The following CNTNAP2 variants were observed in gnomAD, a reference collection of about 807,000 sequenced individuals.
CNTNAP2 encodes the protein contactin associated protein 2.
CNTNAP2 carries 98 observed loss-of-function variants against 155.2 expected under a neutral mutation model. The ratio of observed to expected loss-of-function variants is 0.63; its 90% confidence interval spans 0.54 to 0.75. The LOEUF is 0.75. CNTNAP2 is among the 30% of genes least tolerant of loss of function. The pLI is 0.00. For synonymous variants in CNTNAP2, 651 were observed against 631.2 expected (o/e 1.03, Z -0.47); for missense variants, 1,727 against 1,688.1 (o/e 1.02, Z -0.40).
At chr7:147,731,092 G>T (rs927872024) in intron 13 of CNTNAP2, among the ~76,000 whole-genome samples, 1 of 152,116 alleles carries the variant, frequency 6.6e-6, no homozygotes, top group Non-Finnish European at 1.5e-5. Flanking sequence ...TCTCTATAAC[G>T]TGAAAGTGCA....
chr7:148,340,935 C>A (rs1798218136), intron 21 of CNTNAP2, among the ~76,000 whole-genome samples: 1 of 152,218 alleles, frequency 6.6e-6, no homozygotes, highest in Admixed American at 6.5e-5. Flanking sequence ...CCTTGGAGCT[C>A]TTCTAGTGCA....
chr7:147,197,223 A>G (rs1272901824), intron 8 of CNTNAP2, among the ~76,000 whole-genome samples: 7 of 152,076 alleles, frequency 4.6e-5, no homozygotes, highest in Admixed American at 3.9e-4. Context: ...ACAGGCCACT[A>G]CTTCATTTAC....
At chr7:146,261,701 T>TTGTA (rs1382294342) in intron 1 of CNTNAP2, among the ~76,000 whole-genome samples, 1 of 152,084 alleles carries the variant, frequency 6.6e-6, no homozygotes, top group Admixed American at 6.6e-5. Flanking sequence ...TCTGCAAAGG[T>TTGTA]TGTAGCTGAA....
At chr7:146,876,527 G>T (rs1317722638) in intron 3 of CNTNAP2, among the ~76,000 whole-genome samples, 1 of 152,070 alleles carries the variant, frequency 6.6e-6, no homozygotes, top group Admixed American at 6.6e-5. Flanking sequence ...ATACTGCCAG[G>T]AATATTGTAA....
chr7:147,794,360 T>C (rs909036514), intron 13 of CNTNAP2, among the ~76,000 whole-genome samples: 1 of 151,962 alleles, frequency 6.6e-6, no homozygotes, highest in African/African-American at 2.4e-5. Context: ...TTTCTATCAT[T>C]AAAGGGTGTT....
At chr7:147,694,890 T>C (rs1796140134) in intron 13 of CNTNAP2, among the ~76,000 whole-genome samples, 1 of 152,186 alleles carries the variant, frequency 6.6e-6, no homozygotes, top group Non-Finnish European at 1.5e-5. Flanking sequence ...ATTAATTTAC[T>C]CTTCTTTCTT....
At chr7:147,966,740 T>C (rs1449787001) in intron 14 of CNTNAP2, among the ~76,000 whole-genome samples, 3 of 151,742 alleles carry the variant, frequency 2.0e-5, no homozygotes, top group Non-Finnish European at 4.4e-5. Context: ...ATCATGGGAG[T>C]GGACTATCGC....
intron 3 of CNTNAP2, among the ~76,000 whole-genome samples, chr7:146,855,481 T>C (rs1187273757): frequency 6.6e-6 from 1 of 152,048 alleles, no homozygotes; most frequent in African/African-American, 2.4e-5. Flanking sequence ...ATATTTGAAA[T>C]AGATACACAG....
At chr7:147,869,864 T>A (rs995439224) in intron 13 of CNTNAP2, among the ~76,000 whole-genome samples, 13 of 152,244 alleles carry the variant, frequency 8.5e-5, no homozygotes, top group Non-Finnish European at 1.5e-4. Flanking sequence ...CATCATCTCA[T>A]CAGTTTATCC....
At chr7:146,715,879 T>C (rs1472477138) in intron 1 of CNTNAP2, among the ~76,000 whole-genome samples, 2 of 152,136 alleles carry the variant, frequency 1.3e-5, no homozygotes, top group Non-Finnish European at 2.9e-5. Context: ...CTTATCCCCA[T>C]TGTTGGCTCC....
intron 21 of CNTNAP2, among the ~76,000 whole-genome samples, chr7:148,360,867 T>C (rs1798607654): frequency 6.7e-6 from 1 of 149,752 alleles, no homozygotes; most frequent in African/African-American, 2.5e-5. Flanking sequence ...TGGAGTGCAG[T>C]GGCGTGATCT....
At chr7:147,131,527 G>A (rs951469477) in intron 7 of CNTNAP2, among the ~76,000 whole-genome samples, 1 of 151,766 alleles carries the variant, frequency 6.6e-6, no homozygotes, top group Admixed American at 6.6e-5. Context: ...GGGAAAGCCT[G>A]AATTATTGCA....
intron 1 of CNTNAP2, among the ~76,000 whole-genome samples, chr7:146,469,087 AAAGT>A (rs1157320776): frequency 3.9e-5 from 6 of 152,232 alleles, no homozygotes; most frequent in African/African-American, 1.4e-4. Context: ...GTGTTGTTGC[AAAGT>A]AATATGCAGC....
At chr7:147,887,146 A>G (rs2116725409) in intron 13 of CNTNAP2, among the ~76,000 whole-genome samples, 1 of 152,320 alleles carries the variant, frequency 6.6e-6, no homozygotes, top group African/African-American at 2.4e-5. Flanking sequence ...GGCCAAATAG[A>G]TACAACAAAA....
intron 10 of CNTNAP2, among the ~76,000 whole-genome samples, chr7:147,406,748 A>G (rs1168346159): frequency 1.3e-5 from 2 of 152,220 alleles, no homozygotes; most frequent in African/African-American, 2.4e-5. Context: ...GGTGAGGAGT[A>G]TGTGTGTGTT....
intron 1 of CNTNAP2, among the ~76,000 whole-genome samples, chr7:146,145,761 T>G (rs1420262536): frequency 6.6e-6 from 1 of 152,186 alleles, no homozygotes; most frequent in East Asian, 1.9e-4. Flanking sequence ...TCAATGTATT[T>G]GTACCTCGCG....
chr7:146,499,005 T>C (rs1006453125), intron 1 of CNTNAP2, among the ~76,000 whole-genome samples: 7 of 152,176 alleles, frequency 4.6e-5, no homozygotes, highest in African/African-American at 1.2e-4. Flanking sequence ...TCAAAGCAAG[T>C]CCTCTACATT....
At chr7:148,186,841 ACGG>A (rs1795123605) in intron 18 of CNTNAP2, among the ~76,000 whole-genome samples, 2 of 152,164 alleles carry the variant, frequency 1.3e-5, no homozygotes, top group African/African-American at 2.4e-5. Context: ...ATGCTGACAC[ACGG>A]TCAGTGGTCC....
At chr7:147,066,574 T>C (rs1337420597) in intron 4 of CNTNAP2, among the ~76,000 whole-genome samples, 1 of 152,224 alleles carries the variant, frequency 6.6e-6, no homozygotes, top group Non-Finnish European at 1.5e-5. Flanking sequence ...ATTCTTGCTG[T>C]GTTCATTCCC....
Sources: allele counts gnomAD v4.1 joint callset (sites outside exome capture counted in the v4.1 genomes callset), GRCh38; gene constraint gnomAD v4.1.1; transcripts MANE v1.5; gene names NCBI Gene and HGNC (gene_info 2026-07-23, HGNC 2026-07-21).